CDK14: variants seen among roughly 807,000 people sequenced by gnomAD.
CDK14 encodes cyclin-dependent kinase 14.
CDK14 carries 34 observed loss-of-function variants against 60.7 expected under a neutral mutation model. The ratio of observed to expected loss-of-function variants is 0.56; its 90% confidence interval spans 0.43 to 0.75. The LOEUF is 0.75. Among genes scored for constraint, CDK14 ranks in the 30% least tolerant of loss-of-function variants. The pLI is 0.00. For missense variants in CDK14, 482 were observed against 564.1 expected (o/e 0.85, Z 1.47); for synonymous variants, 197 against 203.7 (o/e 0.97, Z 0.28).
At chr7:91,025,143 A>G (rs1473248158) in intron 10 of CDK14, among the ~76,000 whole-genome samples, 2 of 152,166 alleles carry the variant, frequency 1.3e-5, no homozygotes, top group Non-Finnish European at 2.9e-5. Context: ...TTTCTAATCT[A>G]GTAACAGCTT....
intron 14 of CDK14, among the ~76,000 whole-genome samples, chr7:91,162,571 CAA>C (rs1801201820): frequency 6.6e-6 from 1 of 152,168 alleles, no homozygotes; most frequent in Non-Finnish European, 1.5e-5. Flanking sequence ...TCTGTAGTGA[CAA>C]AGAGCAAAGG....
intron 6 of CDK14, among the ~76,000 whole-genome samples, chr7:90,897,608 C>T (rs1030709666): frequency 6.6e-6 from 1 of 151,874 alleles, no homozygotes; most frequent in Admixed American, 6.6e-5. Context: ...CTTTATTTGT[C>T]GTTCTCTGAG....
intron 12 of CDK14, among the ~76,000 whole-genome samples, chr7:91,089,362 A>G (rs953289600): frequency 6.6e-6 from 1 of 152,134 alleles, no homozygotes; most frequent in African/African-American, 2.4e-5. Context: ...TCGGCTGAAG[A>G]GGTAAAGTTT....
At chr7:90,957,054 G>C (rs1470564335) in intron 9 of CDK14, among the ~76,000 whole-genome samples, 1 of 150,034 alleles carries the variant, frequency 6.7e-6, no homozygotes, top group Non-Finnish European at 1.5e-5. Flanking sequence ...TTGCTATTGT[G>C]AATAATGCCG....
At chr7:90,671,705 G>A (rs1801101844) in intron 2 of CDK14, among the ~76,000 whole-genome samples, 1 of 152,096 alleles carries the variant, frequency 6.6e-6, no homozygotes, top group Non-Finnish European at 1.5e-5. Context: ...TCACCACTAG[G>A]CATTTCTTCA....
chr7:90,917,913 A>G (rs1267845626), intron 8 of CDK14, among the ~76,000 whole-genome samples, 189 bp downstream of exon 8: 5 of 152,126 alleles, frequency 3.3e-5, no homozygotes, highest in Non-Finnish European at 5.9e-5. Flanking sequence ...GGAGTTTTAT[A>G]AAATTCAGAC....
intron 9 of CDK14, among the ~76,000 whole-genome samples, chr7:90,966,710 T>C (rs1420903362): frequency 6.6e-6 from 1 of 152,164 alleles, no homozygotes; most frequent in East Asian, 1.9e-4. Context: ...AGAAGACCTA[T>C]GAGGCTAAAG....
At chr7:91,140,933 A>T (rs1800438139) in intron 14 of CDK14, among the ~76,000 whole-genome samples, 1 of 152,100 alleles carries the variant, frequency 6.6e-6, no homozygotes, top group Admixed American at 6.5e-5. Context: ...AAAAAAATCT[A>T]GACCATCTTA....
chr7:91,108,308 A>T (rs998604039), intron 12 of CDK14, among the ~76,000 whole-genome samples: 1 of 152,208 alleles, frequency 6.6e-6, no homozygotes, highest in Non-Finnish European at 1.5e-5. Context: ...CTCTGTCTCA[A>T]AAAAGAAAAA....
At chr7:90,757,987 T>C (rs1247030835) in intron 4 of CDK14, among the ~76,000 whole-genome samples, 1 of 152,154 alleles carries the variant, frequency 6.6e-6, no homozygotes, top group Non-Finnish European at 1.5e-5. Flanking sequence ...TTTTTAATTA[T>C]TCTTGATTCT....
At chr7:90,700,484 C>A (rs1025210221) in intron 2 of CDK14, among the ~76,000 whole-genome samples, 1 of 152,158 alleles carries the variant, frequency 6.6e-6, no homozygotes, top group African/African-American at 2.4e-5. Context: ...AGATAATCTT[C>A]TACCAGAGGG....
chr7:91,033,103 G>T (rs1796811258), intron 10 of CDK14, among the ~76,000 whole-genome samples: 1 of 152,104 alleles, frequency 6.6e-6, no homozygotes, highest in African/African-American at 2.4e-5. Flanking sequence ...CCTCAAGTTT[G>T]CAGCTGAAGT....
At chr7:90,659,873 CTCTG>C (rs768311537) in intron 2 of CDK14, among the ~76,000 whole-genome samples, 4,595 of 139,828 alleles carry the variant, frequency 0.033, 79 homozygotes, top group Non-Finnish European at 0.039. Flanking sequence ...CTCTCTCTCT[CTCTG>C]TGTGTGTGTG....
intron 2 of CDK14, among the ~76,000 whole-genome samples, chr7:90,700,679 C>T (rs906755569): frequency 2.0e-5 from 3 of 152,118 alleles, no homozygotes; most frequent in African/African-American, 4.8e-5. Context: ...CTCCAACCCC[C>T]AGCATTTTAC....
At chr7:90,980,102 GA>G (rs760027350) in intron 9 of CDK14, among the ~76,000 whole-genome samples, 3 of 151,928 alleles carry the variant, frequency 2.0e-5, no homozygotes, top group African/African-American at 7.3e-5. Flanking sequence ...GAATTGTGAT[GA>G]AAAAAATCAT....
At chr7:90,619,919 C>T (rs774405699) in intron 2 of CDK14, among the ~76,000 whole-genome samples, 32 of 152,280 alleles carry the variant, frequency 2.1e-4, no homozygotes, top group African/African-American at 6.0e-4. Flanking sequence ...TCGCTTGAAC[C>T]CAGGAGGCAG....
At chr7:90,863,049 T>G in intron 5 of CDK14, 126 bp from the exon 6 acceptor site, 1 of 535,080 alleles carries the variant, frequency 1.9e-6, no homozygotes, top group South Asian at 2.7e-5. Context: ...TCATTTTGAA[T>G]TGTTATTGAC....
intron 2 of CDK14, among the ~76,000 whole-genome samples, chr7:90,713,627 CTT>C (rs34802725): frequency 5.0e-4 from 67 of 133,772 alleles, no homozygotes; most frequent in African/African-American, 1.3e-3. Context: ...TTTGGAAGTA[CTT>C]TTTTTTTTTT....
At chr7:91,042,412 A>G (rs921247489) in intron 10 of CDK14, among the ~76,000 whole-genome samples, 2 of 151,776 alleles carry the variant, frequency 1.3e-5, no homozygotes, top group Non-Finnish European at 2.9e-5. Flanking sequence ...ACTCTCCCAT[A>G]CCATCAGCTT....
Sources: allele counts gnomAD v4.1 joint callset (sites outside exome capture counted in the v4.1 genomes callset), GRCh38; gene constraint gnomAD v4.1.1; transcripts MANE v1.5; gene names NCBI Gene and HGNC (gene_info 2026-07-23, HGNC 2026-07-21).